GRM7: variants seen among roughly 807,000 people sequenced by gnomAD.
The protein encoded by GRM7 is glutamate metabotropic receptor 7, also known as metabotropic glutamate receptor 7.
A neutral mutation model predicts 84.5 loss-of-function variants in GRM7; 35 were observed. The observed-to-expected ratio is 0.41, with a 90% confidence interval of 0.32 to 0.55. The LOEUF (loss-of-function observed/expected upper bound fraction) is 0.55, where lower values mean the gene tolerates loss of function less well. Ranked by LOEUF, GRM7 falls within the 20% of genes least tolerant of loss-of-function variation. GRM7 has a pLI of 0.19. For synonymous variants in GRM7, 487 were observed against 455.1 expected, an observed-to-expected ratio of 1.07 and a Z score of -0.89; for missense variants, 1,003 against 1,194.6, an observed-to-expected ratio of 0.84 and a Z score of 2.36.
At position 6,861,603 on chromosome 3, in the gene GRM7, G is replaced by A. The variant is rs1452690851; in HGVS notation, c.215G>A (p.Arg72Lys). Residue 72 changes from arginine (R) to lysine (K), a missense_variant, in exon 1 of 10, where the codon AGG becomes AAG. This residue lies in a region of GRM7 where 910 missense variants were observed against 1,126.0 expected (regional missense o/e 0.81). Transcript: ENST00000357716. This position sits in a 1 kb window ranked among gnomAD's most constrained non-coding sequence, Gnocchi z 6.4. ...GGAGTGCCCTGCGGCGACATCAAGAGGGAAAACGGGATCCACAGGCTGGAA... is the reference window on the plus strand; with the variant it reads ...GGAGTGCCCTGCGGCGACATCAAGAAGGAAAACGGGATCCACAGGCTGGAA... ...PSGVPCGDIK[R>K]ENGIHRLEAM... The A allele has an allele frequency of 1.9e-6, 3 of 1,611,796 alleles. No individual in the cohort carries two copies. The highest frequency in any genetic ancestry group is 2.2e-5 in the South Asian group (2 of 90,820).
At chr3:7,344,601 T>C (rs1692804222) in intron 4 of GRM7, among the ~76,000 whole-genome samples, 1 of 152,206 alleles carries the variant, frequency 6.6e-6, no homozygotes, top group African/African-American at 2.4e-5. Flanking sequence ...TAAAAAATTA[T>C]ATAAAAGCCT....
At chr3:7,565,759 G>A (rs1694228338) in intron 7 of GRM7, among the ~76,000 whole-genome samples, 1 of 152,206 alleles carries the variant, frequency 6.6e-6, no homozygotes, top group Non-Finnish European at 1.5e-5. Flanking sequence ...AAGACCAGCA[G>A]GAAAGGGAGG....
chr3:7,387,408 T>C (rs1309571903), intron 4 of GRM7, among the ~76,000 whole-genome samples: 1 of 152,228 alleles, frequency 6.6e-6, no homozygotes, highest in Non-Finnish European at 1.5e-5. Flanking sequence ...CTCTCTTAGA[T>C]TTTTATAGAT....
At chr3:7,406,328 G>T (rs1035350140) in intron 4 of GRM7, among the ~76,000 whole-genome samples, 3 of 151,846 alleles carry the variant, frequency 2.0e-5, no homozygotes, top group Non-Finnish European at 4.4e-5. Context: ...GTGCAACCCC[G>T]TCTCTACTAA....
intron 2 of GRM7, among the ~76,000 whole-genome samples, chr3:7,183,377 G>A (rs551672315): frequency 3.9e-5 from 6 of 151,912 alleles, no homozygotes; most frequent in East Asian, 1.9e-4. Context: ...CTGTAATCCC[G>A]GCACTTTGGG....
intron 6 of GRM7, among the ~76,000 whole-genome samples, chr3:7,454,292 AATAGGATAAAAGAC>A (rs1697914350): frequency 6.6e-6 from 1 of 152,150 alleles, no homozygotes; most frequent in African/African-American, 2.4e-5. Context: ...AAAATGGGCC[AATAGGATAAAAGAC>A]ATAGGAGAAA....
intron 4 of GRM7, among the ~76,000 whole-genome samples, chr3:7,337,125 A>T (rs1701450456): frequency 6.6e-6 from 1 of 152,154 alleles, no homozygotes. Flanking sequence ...ACTTACTTAC[A>T]GCCAACTGCT....
intron 7 of GRM7, among the ~76,000 whole-genome samples, chr3:7,541,433 C>A (rs1692878866): frequency 6.6e-6 from 1 of 152,056 alleles, no homozygotes; most frequent in African/African-American, 2.4e-5. Flanking sequence ...AAGAATGGCT[C>A]ATTTTTATTA....
intron 1 of GRM7, among the ~76,000 whole-genome samples, chr3:6,906,055 G>T (rs1351589955): frequency 6.6e-6 from 1 of 152,152 alleles, no homozygotes; most frequent in African/African-American, 2.4e-5. Context: ...AATTTGGGGT[G>T]GGTTCAACTG....
rs1007427182 is a variant in GRM7 at position 7,741,477 on chromosome 3, C to G, written c.*1071C>G. ...AAAATTCCCTCTTTCCATTCTCTTT[C>G]AATTCTGTGATATTGTCCAAGAATG... On this transcript the variant is annotated 3_prime_UTR_variant, in exon 10 of 10. Coordinates refer to ENST00000357716, the MANE Select transcript of GRM7 (RefSeq NM_000844.4). The G allele has an allele frequency of 6.6e-6, 1 of 152,586 alleles. No homozygotes were observed. Among genetic ancestry groups the G allele is most frequent in the Admixed American group, 6.6e-5 (1 of 15,266 alleles). The allele number at this position is 152,586 out of a possible 1,614,324, so 9.5% of individuals were successfully genotyped here. A position where few individuals can be genotyped will look rare whatever the true frequency, so the allele number is the denominator to read the frequency against.
intron 1 of GRM7, among the ~76,000 whole-genome samples, chr3:6,968,137 T>C (rs1239628011): frequency 6.6e-6 from 1 of 152,136 alleles, no homozygotes; most frequent in African/African-American, 2.4e-5. Flanking sequence ...GCCAGCAGGG[T>C]CTTTCTCTTT....
chr3:7,699,401 C>G (rs575261549), intron 9 of GRM7, among the ~76,000 whole-genome samples: 1 of 152,220 alleles, frequency 6.6e-6, no homozygotes, highest in South Asian at 2.1e-4. Context: ...ACATTTCAAA[C>G]CAGGGGATAT....
At chr3:6,887,601 A>T (rs533308733) in intron 1 of GRM7, among the ~76,000 whole-genome samples, 1 of 152,112 alleles carries the variant, frequency 6.6e-6, no homozygotes, top group Non-Finnish European at 1.5e-5. Context: ...TGGTGTATAT[A>T]TGCCACATTT....
chr3:6,915,179 A>G (rs1696900707), intron 1 of GRM7, among the ~76,000 whole-genome samples: 1 of 152,122 alleles, frequency 6.6e-6, no homozygotes, highest in African/African-American at 2.4e-5. Context: ...TGATTTTGTG[A>G]TGAATCTTAT....
rs374048817 is a variant in GRM7 at position 7,254,119 on chromosome 3, G to A, written c.737-44565G>A. ...CCTTCTTGGGCACTCTTGTTTCACA[G>A]CTAACTTCAGCAAGGTCATGTCAGA... is the stretch of plus-strand genomic sequence containing the variant. On this transcript the variant is annotated intron_variant, in intron 2 of 9. Transcript: ENST00000357716. Among the ~76,000 whole-genome samples the A allele has an allele frequency of 1.8e-4, 28 of 152,314 alleles. No individual in the cohort carries two copies. In the East Asian group the frequency reaches 4.8e-3, roughly 26 times the overall value.
intron 1 of GRM7, among the ~76,000 whole-genome samples, chr3:7,072,072 A>G (rs536023528): frequency 1.3e-5 from 2 of 152,066 alleles, no homozygotes; most frequent in South Asian, 2.1e-4. Context: ...ATCTCTTAGC[A>G]TTTCTCCCCC....
intron 8 of GRM7, among the ~76,000 whole-genome samples, chr3:7,669,130 A>G (rs1037198682): frequency 4.6e-5 from 7 of 152,262 alleles, no homozygotes; most frequent in African/African-American, 1.7e-4. Context: ...TATATAGAAC[A>G]TATGGAATGT....
intron 1 of GRM7, among the ~76,000 whole-genome samples, chr3:6,956,150 G>C (rs1328260038): frequency 1.3e-5 from 2 of 152,182 alleles, no homozygotes; most frequent in African/African-American, 4.8e-5. Context: ...CTAGCTTATT[G>C]CAATTCAGGC....
At chr3:7,013,250 T>C (rs1695447116) in intron 1 of GRM7, among the ~76,000 whole-genome samples, 2 of 150,938 alleles carry the variant, frequency 1.3e-5, no homozygotes, top group South Asian at 4.1e-4. Context: ...GCTCTTCTCT[T>C]GTTAATCTGT....
Sources: allele counts gnomAD v4.1 joint callset (sites outside exome capture counted in the v4.1 genomes callset), GRCh38; gene constraint gnomAD v4.1.1; regional missense constraint gnomAD v4.1.1; non-coding constraint Gnocchi (gnomAD v3.1); transcripts MANE v1.5; gene names NCBI Gene and HGNC (gene_info 2026-07-23, HGNC 2026-07-21).